NPR3: variants seen among roughly 807,000 people sequenced by gnomAD.
The protein encoded by NPR3 is natriuretic peptide receptor 3.
Under a neutral mutation model 54.5 loss-of-function variants are expected in NPR3, and 34 were observed. The observed-to-expected ratio is 0.62, with a 90% CI of 0.47 to 0.83. The LOEUF is 0.83. Among genes scored for constraint, NPR3 ranks in the 40% least tolerant of loss-of-function variants. NPR3 has a pLI of 0.00. For missense variants in NPR3, 674 were observed against 720.8 expected, an observed-to-expected ratio of 0.94 and a Z score of 0.74; for synonymous variants, 289 against 297.1, an observed-to-expected ratio of 0.97 and a Z score of 0.28.
Position 32,711,528 on chromosome 5 carries a change from A to G in NPR3, c.-249A>G. 1 of 1,199,746 alleles carries G rather than the reference A, an allele frequency of 8.3e-7. No individual in the cohort carries two copies. The highest frequency in any genetic ancestry group is 1.0e-6 in the Non-Finnish European group (1 of 968,602). The allele number at this position is 1,199,746 out of a possible 1,614,324, so 74.3% of individuals were successfully genotyped here. ...ATATATATATGTATATTACAGACGC[A>G]CAGGTTTACACCCGGTGAACTTTTT... On this transcript the variant is annotated 5_prime_UTR_variant, in exon 1 of 8. Transcript: ENST00000265074.
chr5:32,743,773 G>T (rs1365621905), intron 3 of NPR3, among the ~76,000 whole-genome samples: 1 of 152,034 alleles, frequency 6.6e-6, no homozygotes, highest in Admixed American at 6.6e-5. Context: ...CCCTCAGCTT[G>T]GGTGCTACAT....
At chr5:32,775,732 G>A (rs921284501) in intron 4 of NPR3, among the ~76,000 whole-genome samples, 3 of 152,022 alleles carry the variant, frequency 2.0e-5, no homozygotes, top group African/African-American at 7.2e-5. Context: ...TGAGTAGCTG[G>A]GATTACAAGC....
chr5:32,694,293 A>G (rs1391065098), intron 1 of NPR3, among the ~76,000 whole-genome samples: 2 of 152,262 alleles, frequency 1.3e-5, no homozygotes, highest in Non-Finnish European at 2.9e-5. Context: ...GGTCTGTTGT[A>G]ATCAGGCAGT....
chr5:32,739,403 A>C (rs529256512), intron 3 of NPR3, among the ~76,000 whole-genome samples: 1 of 152,086 alleles, frequency 6.6e-6, no homozygotes, highest in African/African-American at 2.4e-5. Context: ...GGGGTGCCAA[A>C]GATTTGCATG....
At position 32,784,087 on chromosome 5, in the gene NPR3, A is replaced by G. The variant is rs142018494; in HGVS notation, c.1427-709A>G. Among the ~76,000 whole-genome samples, 764 of 152,324 alleles carry G rather than the reference A, an allele frequency of 5.0e-3. 5 individuals carry two copies. Among genetic ancestry groups the G allele is most frequent in the African/African-American group, 0.018 (729 of 41,584 alleles). On this transcript the variant is annotated intron_variant, in intron 6 of 7. Coordinates refer to ENST00000265074, the MANE Select transcript of NPR3 (RefSeq NM_001204375.2). ...CATCTAAAAACAGAACATTGACCCA[A>G]TGAATTTTTCATCAAATCTTCTAGC...
chr5:32,752,931 C>T (rs958008329), intron 3 of NPR3, among the ~76,000 whole-genome samples: 3 of 152,182 alleles, frequency 2.0e-5, no homozygotes, highest in African/African-American at 7.2e-5. Flanking sequence ...CTAATCTTTA[C>T]TTAGCTTTAG....
At chr5:32,764,347 C>T (rs1433655287) in intron 3 of NPR3, among the ~76,000 whole-genome samples, 1 of 152,028 alleles carries the variant, frequency 6.6e-6, no homozygotes, top group Non-Finnish European at 1.5e-5. Context: ...CCAGCTGCCC[C>T]CTGCTTCTGG....
At chr5:32,706,191 C>A (rs1737979263), upstream of NPR3, among the ~76,000 whole-genome samples, 1 of 152,184 alleles carries the variant, frequency 6.6e-6, no homozygotes, top group African/African-American at 2.4e-5. Context: ...GCCTGCTCCC[C>A]CTTCGCCTTC....
intron 1 of NPR3, among the ~76,000 whole-genome samples, chr5:32,701,427 T>C (rs1737795392): frequency 6.6e-6 from 1 of 152,244 alleles, no homozygotes; most frequent in African/African-American, 2.4e-5. Flanking sequence ...TTATCTTGGA[T>C]TTCATTGAGC....
chr5:32,780,743 T>C lies in NPR3; in HGVS notation c.1217T>C (p.Ile406Thr). ...TFEGIAGQVS[I>T]DANGDRYGDF... ...GTAGGTATCGCCGGGCAGGTGTCCATAGATGCCAACGGAGACCGATATGGG... is the reference window on the plus strand; with the variant it reads ...GTAGGTATCGCCGGGCAGGTGTCCACAGATGCCAACGGAGACCGATATGGG... Residue 406 changes from isoleucine (I) to threonine (T), a missense_variant, in exon 5 of 8, where the codon ATA (isoleucine) becomes ACA (threonine). Physicochemically the swap from Ile to Thr is moderately conservative, Grantham distance 89. Transcript: ENST00000265074. 1.9e-6 allele frequency: 3 copies of C among 1,585,470 alleles called. No individual in the cohort carries two copies. Among genetic ancestry groups the C allele is most frequent in the Non-Finnish European group, 1.7e-6 (2 of 1,153,904 alleles).
At chr5:32,704,141 T>C (rs904973978) in intron 1 of NPR3, among the ~76,000 whole-genome samples, 1 of 152,152 alleles carries the variant, frequency 6.6e-6, no homozygotes, top group Admixed American at 6.5e-5. Context: ...AAGGCAGCAC[T>C]GGGTCCCAGT....
At chr5:32,703,944 C>A (rs770776565) in intron 1 of NPR3, among the ~76,000 whole-genome samples, 22 of 152,200 alleles carry the variant, frequency 1.4e-4, no homozygotes, top group Non-Finnish European at 2.8e-4. Context: ...AAATTGCAGT[C>A]CCTGTGGCCT....
chr5:32,761,568 C>T (rs974098539), intron 3 of NPR3, among the ~76,000 whole-genome samples: 33 of 152,012 alleles, frequency 2.2e-4, no homozygotes, highest in African/African-American at 7.2e-4. Flanking sequence ...TTCAAGATCA[C>T]GGACTCTTCT....
At chr5:32,699,785 T>C (rs1171020902) in intron 1 of NPR3, among the ~76,000 whole-genome samples, 1 of 152,230 alleles carries the variant, frequency 6.6e-6, no homozygotes, top group Non-Finnish European at 1.5e-5. Context: ...TACACAGTAA[T>C]AGGGAGTTTT....
At chr5:32,712,640 A>T in intron 1 of NPR3, 95 bp downstream of exon 1, 1 of 1,201,824 alleles carries the variant, frequency 8.3e-7, no homozygotes. Context: ...CCCACTCCCC[A>T]CTGCGGCGCT....
At chr5:32,783,921 C>G (rs1226416734) in intron 6 of NPR3, among the ~76,000 whole-genome samples, 1 of 152,204 alleles carries the variant, frequency 6.6e-6, no homozygotes, top group South Asian at 2.1e-4. Context: ...GGGCCGCGTA[C>G]TAAACTCTAG....
chr5:32,712,310 G>A lies in NPR3; in HGVS notation c.534G>A (p.Ala178=). Residue 178 remains alanine, a synonymous_variant, in exon 1 of 8, where the codon GCG becomes GCA. Transcript: ENST00000265074. The stretch of plus-strand genomic sequence containing the variant: ...AGTACTCGCACCTCACGCGCGTGGC[G>A]CCCGCCTACGCCAAGATGGGCGAGA... ...DSEYSHLTRV[A]PAYAKMGEMM... The A allele has an allele frequency of 6.2e-7, 1 of 1,613,210 alleles. No individual in the cohort carries two copies. The highest frequency in any genetic ancestry group is 8.5e-7 in the Non-Finnish European group (1 of 1,179,756).
intron 3 of NPR3, among the ~76,000 whole-genome samples, chr5:32,751,251 A>C (rs1474735785): frequency 1.3e-5 from 2 of 151,996 alleles, no homozygotes; most frequent in Non-Finnish European, 2.9e-5. Flanking sequence ...ATCTGTTAAA[A>C]CTCTTTTGTT....
chr5:32,773,724 T>C (rs560475278), intron 3 of NPR3, among the ~76,000 whole-genome samples: 10 of 152,296 alleles, frequency 6.6e-5, no homozygotes, highest in Non-Finnish European at 1.3e-4. Flanking sequence ...CTGAACAGAC[T>C]TCGAACACAG....
Sources: allele counts gnomAD v4.1 joint callset (sites outside exome capture counted in the v4.1 genomes callset), GRCh38; gene constraint gnomAD v4.1.1; transcripts MANE v1.5; gene names NCBI Gene and HGNC (gene_info 2026-07-23, HGNC 2026-07-21).